Variants in CACNG7 observed in about 807,000 individuals in gnomAD.
CACNG7 encodes calcium voltage-gated channel auxiliary subunit gamma 7.
CACNG7 carries 9 observed loss-of-function variants against 26.3 expected under a neutral mutation model. That is an observed-to-expected ratio of 0.34 (90% confidence interval 0.21 to 0.60). The LOEUF (loss-of-function observed/expected upper bound fraction) is 0.60. CACNG7 is among the 20% of genes least tolerant of loss of function. The pLI is 0.81. For missense variants in CACNG7, 297 were observed against 380.4 expected (o/e 0.78, Z 1.82); for synonymous variants, 170 against 157.0 (o/e 1.08, Z -0.62).
intron 4 of CACNG7, among the ~76,000 whole-genome samples, chr19:53,935,755 C>T (rs922625733): frequency 1.3e-4 from 20 of 150,500 alleles, no homozygotes; most frequent in African/African-American, 4.9e-4. Flanking sequence ...ATTCTCCTGC[C>T]TCAGCCTCCC....
intron 4 of CACNG7, among the ~76,000 whole-genome samples, chr19:53,923,209 CGTCATTGGTGGAGTTGCCCCAGGTCTG>C (rs2068980193): frequency 7.4e-5 from 2 of 27,086 alleles, no homozygotes; most frequent in Non-Finnish European, 1.2e-4. Context: ...GTCCCAGGCT[CGTCATTGGTGGAGTTGCCCCAGGTCTG>C]GTCATTGGTG....
At chr19:53,910,131 G>C (rs1189251269) in intron 1 of CACNG7, among the ~76,000 whole-genome samples, 1 of 152,134 alleles carries the variant, frequency 6.6e-6, no homozygotes, top group East Asian at 1.9e-4. Context: ...ATGTGGAGAA[G>C]GGACGAGGTC....
At chr19:53,923,582 G>GTCTGGTCATTGGTGCAGTTGCCCCAGGT (rs571198691) in intron 4 of CACNG7, among the ~76,000 whole-genome samples, 18 of 89,536 alleles carry the variant, frequency 2.0e-4, no homozygotes, top group East Asian at 3.1e-4. Context: ...GTTGTCCCAG[G>GTCTGGTCATTGGTGCAGTTGCCCCAGGT]CTGGTCATTG....
intron 2 of CACNG7, 21 bp downstream of exon 2, chr19:53,913,048 C>G: frequency 6.3e-7 from 1 of 1,595,986 alleles, no homozygotes; most frequent in Non-Finnish European, 8.6e-7. Flanking sequence ...CACCCGTCTT[C>G]CACTCAACAG....
chr19:53,920,456 C>T (rs1461214452), intron 4 of CACNG7, among the ~76,000 whole-genome samples: 12 of 32,170 alleles, frequency 3.7e-4, no homozygotes, highest in East Asian at 1.5e-3. Context: ...TTGGTGGAGT[C>T]GTCCCCAGGT....
chr19:53,918,221 G>A (rs2068910901), intron 4 of CACNG7, among the ~76,000 whole-genome samples: 1 of 152,178 alleles, frequency 6.6e-6, no homozygotes, highest in African/African-American at 2.4e-5. Flanking sequence ...TTATTGAGGG[G>A]ACAAATCTTG....
At chr19:53,910,133 G>C (rs2068853324) in intron 1 of CACNG7, among the ~76,000 whole-genome samples, 1 of 152,150 alleles carries the variant, frequency 6.6e-6, no homozygotes. Flanking sequence ...GTGGAGAAGG[G>C]ACGAGGTCCC....
At position 53,941,506 on chromosome 19, in the gene CACNG7, C is replaced by G. The variant is rs1351971857; in HGVS notation, c.461C>G (p.Ser154Cys). The G allele has an allele frequency of 1.3e-6, 2 of 1,596,808 alleles. No homozygotes were observed. Among genetic ancestry groups the G allele is most frequent in the Non-Finnish European group, 1.7e-6 (2 of 1,174,022 alleles). The change falls in exon 5 of 6, where the codon TCC becomes TGC. Residue 154 changes from serine to cysteine, a missense_variant. By Grantham distance (112) the Ser-to-Cys change is moderately radical. Transcript: ENST00000391767. ...GTGGTGGGCTTGGTTCTTTACATCT[C>G]CAGCATCAACGACGAGGTCATGAAC... ...SLVVGLVLYI[S>C]SINDEVMNRP...
intron 4 of CACNG7, among the ~76,000 whole-genome samples, chr19:53,926,129 G>C (rs1483285402): frequency 6.6e-6 from 1 of 152,130 alleles, no homozygotes; most frequent in Admixed American, 6.6e-5. Context: ...TCACAGAACA[G>C]CTCCCGACTA....
chr19:53,936,495 A>G (rs956870083), intron 4 of CACNG7, among the ~76,000 whole-genome samples: 15 of 152,314 alleles, frequency 9.8e-5, no homozygotes, highest in South Asian at 8.3e-4. Flanking sequence ...TTCTAACTCT[A>G]TTATTCCACC....
intron 4 of CACNG7, among the ~76,000 whole-genome samples, chr19:53,919,340 G>C (rs1461367594): frequency 1.2e-4 from 19 of 152,094 alleles, no homozygotes; most frequent in Admixed American, 1.2e-3. Context: ...CATTGGTGGA[G>C]TTGCCCAGGT....
At chr19:53,924,704 G>T (rs1470343971) in intron 4 of CACNG7, among the ~76,000 whole-genome samples, 3 of 148,326 alleles carry the variant, frequency 2.0e-5, no homozygotes, top group South Asian at 2.2e-4. Context: ...TATTGGTGGA[G>T]TTGCCCCAGT....
In CACNG7 at chr19:53,915,354, C is replaced by A. The variant is rs769597460; in HGVS notation, c.284-11C>A. 6 of 1,589,284 alleles carry A rather than the reference C, an allele frequency of 3.8e-6. No individual in the cohort carries two copies. The highest frequency in any genetic ancestry group is 2.7e-5 in the African/African-American group (2 of 74,434). ...CCCCCTCACCCCTGTCTCTCCCCATCCCCTCCCCAGAGACAGTGCGCACGG... is the reference window on the plus strand; with the variant it reads ...CCCCCTCACCCCTGTCTCTCCCCATACCCTCCCCAGAGACAGTGCGCACGG... On this transcript the variant is annotated splice_polypyrimidine_tract_variant and intron_variant, in intron 3 of 5. Coordinates refer to ENST00000391767, the MANE Select transcript of CACNG7 (RefSeq NM_031896.5).
chr19:53,938,144 C>T (rs1340266513), intron 4 of CACNG7, among the ~76,000 whole-genome samples: 1 of 151,916 alleles, frequency 6.6e-6, no homozygotes. Context: ...CTCAGGAGTT[C>T]GAGACCAGCC....
intron 4 of CACNG7, among the ~76,000 whole-genome samples, chr19:53,931,685 T>TAAAAAA (rs747430354): frequency 1.1e-4 from 5 of 44,980 alleles, no homozygotes; most frequent in African/African-American, 2.8e-4. Context: ...AGACTCTGTC[T>TAAAAAA]AAAAAAAAAA....
intron 4 of CACNG7, among the ~76,000 whole-genome samples, chr19:53,926,010 G>C (rs2069028241): frequency 6.6e-6 from 1 of 152,164 alleles, no homozygotes; most frequent in South Asian, 2.1e-4. Context: ...CATTAAACAT[G>C]ATCTGTGGAT....
intron 4 of CACNG7, among the ~76,000 whole-genome samples, chr19:53,925,097 T>C (rs1256616826): frequency 1.8e-4 from 16 of 87,638 alleles, no homozygotes; most frequent in Admixed American, 4.3e-4. Context: ...TGGTCATTGG[T>C]GGACTTGCCT....
At chr19:53,921,661 G>GC (rs1555810586) in intron 4 of CACNG7, among the ~76,000 whole-genome samples, 3 of 68,218 alleles carry the variant, frequency 4.4e-5, no homozygotes, top group East Asian at 6.0e-4. Flanking sequence ...TGGTGGACTT[G>GC]CCCCAGGTCT....
intron 4 of CACNG7, among the ~76,000 whole-genome samples, chr19:53,923,470 C>T (rs1440822411): frequency 8.8e-6 from 1 of 113,160 alleles, no homozygotes; most frequent in Non-Finnish European, 1.8e-5. Flanking sequence ...GTGGAGTTGT[C>T]CCAGGTCTGG....
Sources: gnomAD v4.1 joint callset for allele counts (sites outside exome capture counted in the v4.1 genomes callset) on GRCh38, gnomAD v4.1.1 for gene constraint, MANE v1.5 for transcripts, NCBI Gene and HGNC (gene_info 2026-07-23, HGNC 2026-07-21) for gene names.